Variants in PBX1 observed in about 807,000 individuals in gnomAD.
The protein encoded by PBX1 is PBX homeobox 1, also known as pre-B-cell leukemia transcription factor 1.
PBX1 carries 6 observed loss-of-function variants against 53.4 expected under a neutral mutation model. The observed-to-expected ratio is 0.11, with a 90% CI of 0.06 to 0.22. The LOEUF (loss-of-function observed/expected upper bound fraction) is 0.22. Ranked by LOEUF, PBX1 falls within the 10% of genes least tolerant of loss-of-function variation. The pLI is 1.00. For missense variants in PBX1, 251 were observed against 551.4 expected (o/e 0.46, Z 5.46); for synonymous variants, 204 against 212.3 (o/e 0.96, Z 0.34).
intron 2 of PBX1, among the ~76,000 whole-genome samples, chr1:164,647,528 C>A: frequency 6.6e-6 from 1 of 152,176 alleles, no homozygotes; most frequent in East Asian, 1.9e-4. Context: ...CAGGTATGAT[C>A]TTTTAAGAAG....
In PBX1 at chr1:164,691,657, C is replaced by A. The variant is rs74765558; in HGVS notation, c.266-100837C>A. 4.2e-3 allele frequency among the ~76,000 whole-genome samples: 640 copies of A among 152,304 alleles called. 5 individuals are homozygous for A. The highest frequency in any genetic ancestry group is 0.015 in the African/African-American group (621 of 41,578). On this transcript the variant is annotated intron_variant, in intron 2 of 8. Coordinates refer to ENST00000420696, the MANE Select transcript of PBX1 (RefSeq NM_002585.4). ...GCTTGCAGGCAACCTTGGCTTTTCTCAAGCGCTGGTAGAAAGGCTGCTGGG... is the reference window on the plus strand; with the variant it reads ...GCTTGCAGGCAACCTTGGCTTTTCTAAAGCGCTGGTAGAAAGGCTGCTGGG...
intron 2 of PBX1, among the ~76,000 whole-genome samples, chr1:164,724,557 G>A (rs951728798): frequency 2.0e-5 from 3 of 152,008 alleles, no homozygotes; most frequent in East Asian, 3.9e-4. Flanking sequence ...GGTCTGGGCC[G>A]CATGTGGCTC....
chr1:164,832,620 G>T (rs1033312032), intron 8 of PBX1, among the ~76,000 whole-genome samples: 2 of 151,788 alleles, frequency 1.3e-5, no homozygotes, highest in Non-Finnish European at 2.9e-5. Context: ...GCCTGCAAGG[G>T]TAATATAATA....
chr1:164,764,724 T>A (rs531323854), intron 2 of PBX1, among the ~76,000 whole-genome samples: 1 of 152,178 alleles, frequency 6.6e-6, no homozygotes. Context: ...AGACTATTAT[T>A]TGTGGCAACT....
At chr1:164,799,408 G>A (rs543489070) in intron 3 of PBX1, among the ~76,000 whole-genome samples, 6 of 152,186 alleles carry the variant, frequency 3.9e-5, no homozygotes, top group African/African-American at 1.4e-4. Context: ...GGAGAATGGC[G>A]TGAACCCGGG....
At chr1:164,687,365 C>T (rs1037283774) in intron 2 of PBX1, among the ~76,000 whole-genome samples, 10 of 151,922 alleles carry the variant, frequency 6.6e-5, no homozygotes, top group South Asian at 4.2e-4. Context: ...AGTTCAAGAC[C>T]GGTCTGGGCA....
intron 2 of PBX1, among the ~76,000 whole-genome samples, chr1:164,629,547 G>T (rs940705806): frequency 6.6e-6 from 1 of 152,198 alleles, no homozygotes; most frequent in African/African-American, 2.4e-5. Flanking sequence ...ACCCAAAGGG[G>T]CATGTGTCTT....
chr1:164,852,285 C>T (rs2102432395), downstream of PBX1, among the ~76,000 whole-genome samples: 1 of 152,218 alleles, frequency 6.6e-6, no homozygotes, highest in East Asian at 1.9e-4. Context: ...CAAATAATAC[C>T]CAGTTGTAGG....
chr1:164,860,130 C>G lies in PBX1; in HGVS notation n.257+28647C>G, dbSNP rs73030705. On this transcript the variant is annotated intron_variant and non_coding_transcript_variant, in intron 2 of 2. Transcript: ENST00000558796. ...CAAGGAGAGGTGGAAGGATGCTAGG[C>G]AGGAATCCCTCACACCCAGAAGCAG... 7.2e-3 allele frequency among the ~76,000 whole-genome samples: 1,097 copies of G among 152,268 alleles called. 15 individuals carry two copies. Among genetic ancestry groups the G allele is most frequent in the African/African-American group, 0.025 (1,037 of 41,532 alleles).
rs1156834077 is a variant in PBX1, at chr1:164,677,785, T to A, written c.265+114474T>A. Among the ~76,000 whole-genome samples, 3 of 152,004 alleles carry A rather than the reference T, an allele frequency of 2.0e-5. No individual in the cohort carries two copies. The East Asian group carries it at 5.8e-4, about 30-fold the overall frequency. Reference sequence around the variant, plus strand: ...CAGCACTAAGGAAGCACGGAAGTACTTTGGCAAGGGAAGAGGGTGACAATG... The same window carrying A: ...CAGCACTAAGGAAGCACGGAAGTACATTGGCAAGGGAAGAGGGTGACAATG... On this transcript the variant is annotated intron_variant, in intron 2 of 8. Coordinates refer to ENST00000420696, the MANE Select transcript of PBX1 (RefSeq NM_002585.4).
chr1:164,606,853 A>G (rs961180116), intron 2 of PBX1, among the ~76,000 whole-genome samples: 3 of 152,246 alleles, frequency 2.0e-5, no homozygotes, highest in Non-Finnish European at 4.4e-5. Context: ...TGCCTTACAT[A>G]TAACAAGTTT....
chr1:164,688,341 A>G (rs905161011), intron 2 of PBX1, among the ~76,000 whole-genome samples: 12 of 152,218 alleles, frequency 7.9e-5, no homozygotes, highest in African/African-American at 2.9e-4. Flanking sequence ...GTATTTGAGT[A>G]CAGATCAATT....
chr1:164,646,315 G>C (rs1659449586), intron 2 of PBX1, among the ~76,000 whole-genome samples: 1 of 152,180 alleles, frequency 6.6e-6, no homozygotes, highest in Non-Finnish European at 1.5e-5. Flanking sequence ...TAATCAATCT[G>C]ATGTTTTTGG....
chr1:164,694,583 C>T (rs1662698560), intron 2 of PBX1, among the ~76,000 whole-genome samples: 1 of 152,182 alleles, frequency 6.6e-6, no homozygotes, highest in African/African-American at 2.4e-5. Flanking sequence ...CCATGTTCAG[C>T]AGATTTATAA....
intron 2 of PBX1, among the ~76,000 whole-genome samples, chr1:164,565,518 A>AG (rs1411399503): frequency 6.6e-6 from 1 of 151,974 alleles, no homozygotes; most frequent in Non-Finnish European, 1.5e-5. Flanking sequence ...CCTCCCTCTT[A>AG]GTCTTCAACT....
At chr1:164,603,019 T>G (rs993371682) in intron 2 of PBX1, among the ~76,000 whole-genome samples, 7 of 152,104 alleles carry the variant, frequency 4.6e-5, no homozygotes, top group Non-Finnish European at 1.0e-4. Flanking sequence ...TTTTCGTCTT[T>G]TCTTCTGCAG....
rs746371607 is a variant in PBX1 at position 164,820,177 on chromosome 1, A to C, written c.1103A>C (p.Gln368Pro). ...YQGAQVGANV[Q>P]SQVDTLRHVI... ...GGGGCCCAGGTTGGAGCCAACGTGC[A>C]ATCACAGGTAGGGACCCAGCCAATA... Residue 368 changes from glutamine (Q) to proline (P), a missense_variant, in exon 7 of 9, where the codon CAA becomes CCA. Coordinates refer to ENST00000420696, the MANE Select transcript of PBX1 (RefSeq NM_002585.4). 6.2e-7 allele frequency: 1 copy of C among 1,601,092 alleles called. No homozygotes were observed. The highest frequency in any genetic ancestry group is 1.7e-5 in the Admixed American group (1 of 59,992).
intron 2 of PBX1, among the ~76,000 whole-genome samples, chr1:164,732,650 T>C (rs1397283099): frequency 1.3e-5 from 2 of 152,082 alleles, no homozygotes; most frequent in Non-Finnish European, 2.9e-5. Flanking sequence ...TTTTTTCTTT[T>C]CTCCTTTCTC....
intron 2 of PBX1, among the ~76,000 whole-genome samples, chr1:164,565,758 T>C (rs1233129005): frequency 2.0e-5 from 3 of 151,992 alleles, no homozygotes. Context: ...GCTTTTTTTT[T>C]TTTTTCCCCC....
Sources: gnomAD v4.1 joint callset for allele counts (sites outside exome capture counted in the v4.1 genomes callset) on GRCh38, gnomAD v4.1.1 for gene constraint, MANE v1.5 for transcripts, NCBI Gene and HGNC (gene_info 2026-07-23, HGNC 2026-07-21) for gene names.